CAMTA1: variants seen among roughly 807,000 people sequenced by gnomAD.
The protein encoded by CAMTA1 is calmodulin-binding transcription activator 1.
A neutral mutation model predicts 170.9 loss-of-function variants in CAMTA1; 27 were observed. The observed-to-expected ratio is 0.16, with a 90% confidence interval of 0.12 to 0.22. The LOEUF (loss-of-function observed/expected upper bound fraction) is 0.22. Among genes scored for constraint, CAMTA1 ranks in the 10% least tolerant of loss-of-function variants. The probability of loss-of-function intolerance (pLI) is 1.00; values close to 1 mark genes in which losing one functional copy is unlikely to be tolerated. For synonymous variants in CAMTA1, 833 were observed against 891.5 expected (o/e 0.93, Z 1.17); for missense variants, 1,619 against 2,217.2 (o/e 0.73, Z 5.42).
rs1178126611 is a variant in CAMTA1, at chr1:7,542,851, G to GTA, written c.510+74951_510+74952insAT. Among the ~76,000 whole-genome samples, 95 of 134,106 alleles carry GTA rather than the reference G, an allele frequency of 7.1e-4. 1 individual carries two copies. Among genetic ancestry groups the GTA allele is most frequent in the African/African-American group, 2.5e-3 (89 of 35,836 alleles). The allele number at this position is 134,106 out of a possible 152,430, so 88.0% of individuals were successfully genotyped here. On this transcript the variant is annotated intron_variant, in intron 6 of 22. Transcript: ENST00000303635. ...GGCCTAAAACACAGTGTGTGTGTGT[G>GTA]TGTGTGTGTGTGTGTGTGTGTGTGT...
At chr1:7,003,477 AGTAGATGGTCCAC>A (rs1395171948) in intron 3 of CAMTA1, among the ~76,000 whole-genome samples, 1 of 152,230 alleles carries the variant, frequency 6.6e-6, no homozygotes, top group East Asian at 1.9e-4. Flanking sequence ...TGGCTATGTT[AGTAGATGGTCCAC>A]GTGAGAACAC....
At chr1:7,141,082 C>A (rs1645861596) in intron 4 of CAMTA1, among the ~76,000 whole-genome samples, 1 of 152,154 alleles carries the variant, frequency 6.6e-6, no homozygotes, top group Admixed American at 6.5e-5. Flanking sequence ...TTCAGCTGGA[C>A]TCGGCCCCTC....
chr1:7,595,785 G>A (rs1204607463), intron 6 of CAMTA1, among the ~76,000 whole-genome samples: 1 of 152,230 alleles, frequency 6.6e-6, no homozygotes, highest in Non-Finnish European at 1.5e-5. Flanking sequence ...CAAGAGATCT[G>A]AGTGTTGAGG....
In CAMTA1 at chr1:7,144,065, G is replaced by A. The variant is rs558156199; in HGVS notation, c.302+52694G>A. Among the ~76,000 whole-genome samples, 19 of 152,230 alleles carry A rather than the reference G, an allele frequency of 1.2e-4. No homozygotes were observed. The highest frequency in any genetic ancestry group is 4.1e-4 in the South Asian group (2 of 4,826). On this transcript the variant is annotated intron_variant, in intron 4 of 22. Transcript: ENST00000303635. The surrounding 1 kb of genome is among the most constrained non-coding windows in gnomAD (Gnocchi z 4.0). ...TGCATCTGTCTTAAGTCAGGCTGCC[G>A]TAACAAAATACCACAGACTGGGTGG...
At chr1:7,062,296 A>G (rs1299417810) in intron 3 of CAMTA1, among the ~76,000 whole-genome samples, 2 of 152,212 alleles carry the variant, frequency 1.3e-5, no homozygotes, top group Non-Finnish European at 2.9e-5. Context: ...CCTGAGACAT[A>G]GATAATATTG....
At chr1:7,430,455 G>T (rs976861485) in intron 5 of CAMTA1, among the ~76,000 whole-genome samples, 2 of 151,924 alleles carry the variant, frequency 1.3e-5, no homozygotes, top group African/African-American at 4.8e-5. Flanking sequence ...AATAACGATG[G>T]TGATGGTGAT....
chr1:6,803,997 A>G (rs1294206446), intron 1 of CAMTA1, among the ~76,000 whole-genome samples: 1 of 152,036 alleles, frequency 6.6e-6, no homozygotes, highest in African/African-American at 2.4e-5. Flanking sequence ...AGCTTGGCCA[A>G]CATGGGTGAA....
At chr1:7,613,694 C>T (rs1576401896) in intron 6 of CAMTA1, among the ~76,000 whole-genome samples, 1 of 151,096 alleles carries the variant, frequency 6.6e-6, no homozygotes, top group East Asian at 2.0e-4. Context: ...TCACACACTG[C>T]ATGGCTCTCA....
intron 5 of CAMTA1, among the ~76,000 whole-genome samples, chr1:7,377,997 T>C (rs1237481995): frequency 1.3e-5 from 2 of 152,174 alleles, no homozygotes; most frequent in African/African-American, 4.8e-5. Context: ...GTGTGGCTTT[T>C]CCAAGACTAT....
intron 4 of CAMTA1, among the ~76,000 whole-genome samples, chr1:7,119,572 C>T (rs1644526421): frequency 6.6e-6 from 1 of 152,146 alleles, no homozygotes; most frequent in African/African-American, 2.4e-5. Flanking sequence ...GCAAGAAATC[C>T]TGTTGTTATT....
intron 4 of CAMTA1, among the ~76,000 whole-genome samples, chr1:7,137,535 C>T (rs1645613257): frequency 6.6e-6 from 1 of 152,172 alleles, no homozygotes; most frequent in South Asian, 2.1e-4. Flanking sequence ...TGGTGCTACC[C>T]AGAGATTCTG....
In CAMTA1 at chr1:7,664,505, C is replaced by T. The variant is rs1472780033; in HGVS notation, c.1958C>T (p.Ser653Phe). The change falls in exon 9 of 23, where the codon TCC becomes TTC. Residue 653 changes from serine to phenylalanine, a missense_variant. Ser to Phe is a radical substitution (Grantham distance 155). Transcript: ENST00000303635. ...CCCACGGTGAAAACGGAGGCCTCGT[C>T]CCAAACCAGCTCCTGCAGCGGTCAC... is the stretch of plus-strand genomic sequence containing the variant. ...VMPTVKTEASSQTSSCSGHVE... is the reference protein window; with the variant it reads ...VMPTVKTEASFQTSSCSGHVE... 6.2e-7 allele frequency: 1 copy of T among 1,613,310 alleles called. No individual in the cohort carries two copies. The highest frequency in any genetic ancestry group is 8.5e-7 in the Non-Finnish European group (1 of 1,180,046).
At chr1:7,149,543 C>A (rs1646444153) in intron 4 of CAMTA1, among the ~76,000 whole-genome samples, 1 of 152,188 alleles carries the variant, frequency 6.6e-6, no homozygotes, top group Admixed American at 6.5e-5. Context: ...ACCTTTGGGC[C>A]TGGGATAATC....
At chr1:6,818,719 G>A (rs1646126509) in intron 1 of CAMTA1, among the ~76,000 whole-genome samples, 1 of 152,080 alleles carries the variant, frequency 6.6e-6, no homozygotes. Context: ...GCTCACTGCA[G>A]CCTCAACTTC....
intron 3 of CAMTA1, among the ~76,000 whole-genome samples, chr1:6,866,590 T>C (rs942805558): frequency 6.6e-6 from 1 of 152,080 alleles, no homozygotes; most frequent in Non-Finnish European, 1.5e-5. Context: ...GAGAAATGAG[T>C]GGGTCTAGAC....
chr1:7,003,002 C>T (rs985953094), intron 3 of CAMTA1, among the ~76,000 whole-genome samples: 7 of 152,310 alleles, frequency 4.6e-5, no homozygotes, highest in Admixed American at 2.6e-4. Context: ...TTGCTGTGCT[C>T]GGACTCAGGG....
At position 6,868,319 on chromosome 1, in the gene CAMTA1, AAAAACAAAACAAAAC is replaced by A. The variant is rs548053878; in HGVS notation, c.234+43129_234+43143del. On this transcript the variant is annotated intron_variant, in intron 3 of 22. Coordinates refer to ENST00000303635, the MANE Select transcript of CAMTA1 (RefSeq NM_015215.4). Reference sequence around the variant, plus strand: ...GCGAGACTCTTTTTTTTTTTTTTTTAAAAACAAAACAAAACAAAACAAAACAAAACAAAAAACGAC... The same window carrying A: ...GCGAGACTCTTTTTTTTTTTTTTTTAAAAACAAAACAAAACAAAAAACGAC... Among the ~76,000 whole-genome samples, 29 of 140,592 alleles carry A rather than the reference AAAAACAAAACAAAAC, an allele frequency of 2.1e-4. No individual in the cohort carries two copies. In the South Asian group the frequency reaches 4.5e-3, roughly 22 times the overall value. The allele number at this position is 140,592 out of a possible 152,430, so 92.2% of individuals were successfully genotyped here.
intron 5 of CAMTA1, among the ~76,000 whole-genome samples, chr1:7,419,469 A>T (rs2091418574): frequency 6.6e-6 from 1 of 151,884 alleles, no homozygotes; most frequent in Non-Finnish European, 1.5e-5. Flanking sequence ...AATCTCCTTG[A>T]CTCATGACTT....
intron 6 of CAMTA1, among the ~76,000 whole-genome samples, chr1:7,546,552 A>G (rs2094695723): frequency 6.6e-6 from 1 of 152,110 alleles, no homozygotes; most frequent in Admixed American, 6.5e-5. Context: ...TGGTATTTCC[A>G]CTTCTAGATC....
Sources: allele counts gnomAD v4.1 joint callset (sites outside exome capture counted in the v4.1 genomes callset), GRCh38; gene constraint gnomAD v4.1.1; non-coding constraint Gnocchi (gnomAD v3.1); transcripts MANE v1.5; gene names NCBI Gene and HGNC (gene_info 2026-07-23, HGNC 2026-07-21).